NCOR2: variants seen among roughly 807,000 people sequenced by gnomAD.
NCOR2 encodes nuclear receptor corepressor 2.
In NCOR2, 81 loss-of-function variants were observed where a neutral mutation model predicts 262.9. The ratio of observed to expected loss-of-function variants is 0.31; its 90% confidence interval spans 0.26 to 0.37. The LOEUF (loss-of-function observed/expected upper bound fraction) is 0.37. Among genes scored for constraint, NCOR2 ranks in the 10% least tolerant of loss-of-function variants. The pLI, the probability that NCOR2 is intolerant of heterozygous loss-of-function variation, is 1.00. For synonymous variants in NCOR2, 1,659 were observed against 1,559.3 expected (o/e 1.06, Z -1.51); for missense variants, 3,385 against 3,621.4 (o/e 0.93, Z 1.68).
At chr12:124,543,267 C>G (rs140976672) in intron 1 of NCOR2, among the ~76,000 whole-genome samples, 4 of 152,360 alleles carry the variant, frequency 2.6e-5, no homozygotes, top group Non-Finnish European at 4.4e-5. Flanking sequence ...GCCCCAGGGC[C>G]ACCTGTCTGC....
At chr12:124,515,331 G>A (rs917074689) in intron 1 of NCOR2, among the ~76,000 whole-genome samples, 2 of 151,422 alleles carry the variant, frequency 1.3e-5, no homozygotes, top group South Asian at 2.1e-4. Flanking sequence ...TCGTGCCACT[G>A]CACTGCACTC....
chr12:124,561,031 T>C (rs1340817833), intron 1 of NCOR2, among the ~76,000 whole-genome samples: 1 of 152,220 alleles, frequency 6.6e-6, no homozygotes, highest in Non-Finnish European at 1.5e-5. Context: ...CTTTTGCAGG[T>C]ATCTGCTTGT....
At chr12:124,341,669 C>A (rs577056497) in intron 34 of NCOR2, among the ~76,000 whole-genome samples, 154 bp downstream of exon 36, 4 of 152,356 alleles carry the variant, frequency 2.6e-5, no homozygotes, top group Admixed American at 6.5e-5. Flanking sequence ...GCACCCACAG[C>A]ACGCACAACC....
chr12:124,374,560 T>G (rs988006568), intron 18 of NCOR2, 97 bp from the exon 21 acceptor site: 1 of 1,154,488 alleles, frequency 8.7e-7, no homozygotes, highest in Non-Finnish European at 1.3e-6. Context: ...TGAAGCCCAG[T>G]GCACAGCAGT....
At position 124,400,683 on chromosome 12, in the gene NCOR2, A is replaced by G. The variant is rs754752927; in HGVS notation, c.1641-10T>C. On this transcript the variant is annotated splice_polypyrimidine_tract_variant and intron_variant, in intron 14 of 46. Transcript: ENST00000405201. The stretch of plus-strand genomic sequence containing the variant: ...GTCGTCTGTCTTCTCCCTACAGGCC[A>G]GAGAGGGGAGATAGGATGGCTTCAC... The G allele has an allele frequency of 6.2e-7, 1 of 1,612,452 alleles. No homozygotes were observed. The highest frequency in any genetic ancestry group is 8.5e-7 in the Non-Finnish European group (1 of 1,178,726).
At chr12:124,357,618 C>T (rs568223547) in intron 22 of NCOR2, among the ~76,000 whole-genome samples, 7 of 152,368 alleles carry the variant, frequency 4.6e-5, no homozygotes, top group African/African-American at 1.4e-4. Context: ...TTTGTGAATA[C>T]GCTTTTACTG....
chr12:124,559,746 A>G (rs540387017), intron 1 of NCOR2, among the ~76,000 whole-genome samples: 46 of 152,388 alleles, frequency 3.0e-4, no homozygotes, highest in African/African-American at 1.1e-3. Flanking sequence ...AAGTAGATAA[A>G]GCCAAAACAT....
chr12:124,397,236 G>C (rs12317633), intron 16 of NCOR2, among the ~76,000 whole-genome samples: 56,220 of 152,232 alleles, frequency 0.37, 12,462 homozygotes, highest in Non-Finnish European at 0.48. Context: ...CCCCAGGCCA[G>C]GCACGGCCGA....
chr12:124,410,425 C>G (rs1436913145), intron 13 of NCOR2, among the ~76,000 whole-genome samples: 1 of 151,824 alleles, frequency 6.6e-6, no homozygotes, highest in Non-Finnish European at 1.5e-5. Flanking sequence ...ACTGTCTCCC[C>G]ACCTAGCACA....
In NCOR2 at chr12:124,566,939, C is replaced by T. The variant is rs1480426377; in HGVS notation, c.-165+369G>A. On this transcript the variant is annotated intron_variant, in intron 1 of 32. Transcript: ENST00000458234. The surrounding 1 kb of genome is among the most constrained non-coding windows in gnomAD (Gnocchi z 4.3). Reference sequence around the variant, plus strand: ...AAAATAAGGCGCAGTGTCGCCCCGCCAGGTCCGGGGCTACACCGGGTACAA... The same window carrying T: ...AAAATAAGGCGCAGTGTCGCCCCGCTAGGTCCGGGGCTACACCGGGTACAA... Among the ~76,000 whole-genome samples the T allele has an allele frequency of 6.6e-6, 1 of 152,212 alleles. No homozygotes were observed. Among genetic ancestry groups the T allele is most frequent in the Non-Finnish European group, 1.5e-5 (1 of 68,018 alleles).
intron 44 of NCOR2, chr12:124,328,644 A>C (rs1176868908): frequency 6.5e-6 from 1 of 153,388 alleles, no homozygotes; most frequent in Non-Finnish European, 1.5e-5. Flanking sequence ...GCCCCCAGTG[A>C]AGCCCCATTC....
At chr12:124,327,100 C>T (rs1435886664) in intron 45 of NCOR2, among the ~76,000 whole-genome samples, 10 of 152,036 alleles carry the variant, frequency 6.6e-5, no homozygotes, top group African/African-American at 9.7e-5. Context: ...GCCAAGAAGC[C>T]GGGTCCCCGC....
At chr12:124,467,757 C>T (rs2046540105) in intron 4 of NCOR2, among the ~76,000 whole-genome samples, 1 of 110,980 alleles carries the variant, frequency 9.0e-6, no homozygotes, top group African/African-American at 3.4e-5. Context: ...CCCTCATCTT[C>T]ATCACCCCCA....
chr12:124,476,829 G>A (rs2047124510), intron 3 of NCOR2, among the ~76,000 whole-genome samples: 2 of 151,194 alleles, frequency 1.3e-5, no homozygotes, highest in South Asian at 4.2e-4. Context: ...GGACATGGAG[G>A]CCGAGGCAGG....
intron 31 of NCOR2, 93 bp downstream of exon 33, chr12:124,346,471 C>T (rs774167370): frequency 3.8e-6 from 5 of 1,317,786 alleles, no homozygotes; most frequent in South Asian, 1.7e-5. Flanking sequence ...CTCTCAGCCT[C>T]GGTTTCCCCA....
chr12:124,346,741 G>A (rs771028465), exon 31 of NCOR2: 8 of 1,560,192 alleles, frequency 5.1e-6, no homozygotes, highest in African/African-American at 1.4e-5. Context: ...TGTAGGCCTC[G>A]GTCAGGTCCC....
chr12:124,417,529 A>T (rs1278826471), intron 13 of NCOR2, among the ~76,000 whole-genome samples: 1 of 152,098 alleles, frequency 6.6e-6, no homozygotes, highest in African/African-American at 2.4e-5. Context: ...AATGCCCCCA[A>T]ACAGGTCATG....
At chr12:124,505,007 G>T (rs992096225) in intron 1 of NCOR2, among the ~76,000 whole-genome samples, 6 of 152,218 alleles carry the variant, frequency 3.9e-5, no homozygotes, top group Non-Finnish European at 8.8e-5. Flanking sequence ...GTTCACTTTA[G>T]TATAGCCAAA....
exon 47 of NCOR2, chr12:124,325,374 ACCGCCCCCCCCC>A: frequency 5.7e-5 from 18 of 316,158 alleles, no homozygotes; most frequent in South Asian, 1.0e-4. Flanking sequence ...GGGACCTGAC[ACCGCCCCCCCCC>A]CCGCCCTGTT....
Sources: allele counts gnomAD v4.1 joint callset (sites outside exome capture counted in the v4.1 genomes callset), GRCh38; gene constraint gnomAD v4.1.1; non-coding constraint Gnocchi (gnomAD v3.1); transcripts MANE v1.5; gene names NCBI Gene and HGNC (gene_info 2026-07-23, HGNC 2026-07-21).